Variants in TMEM132D observed in about 807,000 individuals in gnomAD.
TMEM132D encodes the protein mature OL transmembrane protein.
TMEM132D carries 21 observed loss-of-function variants against 62.3 expected under a neutral mutation model. The ratio of observed to expected loss-of-function variants is 0.34; its 90% CI spans 0.24 to 0.49. The LOEUF (loss-of-function observed/expected upper bound fraction) is 0.49. Ranked by LOEUF, TMEM132D falls within the 20% of genes least tolerant of loss-of-function variation. The pLI, the probability that TMEM132D is intolerant of heterozygous loss-of-function variation, is 0.99. For missense variants in TMEM132D, 1,346 were observed against 1,402.8 expected (o/e 0.96, Z 0.65); for synonymous variants, 621 against 575.6 (o/e 1.08, Z -1.13).
intron 1 of TMEM132D, among the ~76,000 whole-genome samples, chr12:129,738,974 A>C (rs1869513472): frequency 6.6e-6 from 1 of 152,186 alleles, no homozygotes; most frequent in Non-Finnish European, 1.5e-5. Flanking sequence ...ATTTACTTGG[A>C]ACAGAAACTC....
At chr12:129,420,154 G>T (rs1243943872) in intron 3 of TMEM132D, among the ~76,000 whole-genome samples, 4 of 152,092 alleles carry the variant, frequency 2.6e-5, no homozygotes, top group Non-Finnish European at 5.9e-5. Context: ...GGCAGTTGCT[G>T]GTGTCTGCGA....
intron 1 of TMEM132D, among the ~76,000 whole-genome samples, chr12:129,805,535 C>T (rs1243452299): frequency 6.6e-6 from 1 of 152,020 alleles, no homozygotes; most frequent in Non-Finnish European, 1.5e-5. Flanking sequence ...TTATACAAAA[C>T]TCAATTCAAG....
intron 5 of TMEM132D, among the ~76,000 whole-genome samples, chr12:129,106,684 G>GGCTCT: frequency 6.6e-6 from 1 of 152,272 alleles, no homozygotes; most frequent in South Asian, 2.1e-4. Context: ...GAGGAGGGCA[G>GGCTCT]GCTCTGCCTC....
chr12:129,888,687 G>C (rs1289727897), intron 1 of TMEM132D, among the ~76,000 whole-genome samples: 1 of 152,202 alleles, frequency 6.6e-6, no homozygotes, highest in East Asian at 1.9e-4. Flanking sequence ...TTGGAGAGCA[G>C]AGCAAGACTC....
chr12:129,251,541 G>A (rs1428507794), intron 4 of TMEM132D, among the ~76,000 whole-genome samples: 2 of 152,050 alleles, frequency 1.3e-5, no homozygotes, highest in Non-Finnish European at 2.9e-5. Context: ...TTTATACTAA[G>A]CCCCTAAACT....
At chr12:129,086,858 T>C (rs1208146928) in intron 5 of TMEM132D, among the ~76,000 whole-genome samples, 1 of 152,064 alleles carries the variant, frequency 6.6e-6, no homozygotes, top group Non-Finnish European at 1.5e-5. Flanking sequence ...TAATGATTTT[T>C]CTTTTCTTTG....
intron 3 of TMEM132D, among the ~76,000 whole-genome samples, chr12:129,369,361 C>T (rs954939677): frequency 3.3e-4 from 31 of 93,844 alleles, no homozygotes; most frequent in Non-Finnish European, 5.9e-4. Context: ...ATCTGTTCCT[C>T]ATGCTGCTTT....
In TMEM132D at chr12:129,813,355, G is replaced by T. The variant is rs181904047; in HGVS notation, c.79+89906C>A. Among the ~76,000 whole-genome samples, 637 of 151,792 alleles carry T rather than the reference G, an allele frequency of 4.2e-3. 12 individuals carry two copies. The highest frequency in any genetic ancestry group is 6.0e-3 in the Non-Finnish European group (408 of 67,972). On this transcript the variant is annotated intron_variant, in intron 1 of 8. Coordinates refer to ENST00000422113, the MANE Select transcript of TMEM132D (RefSeq NM_133448.3). ...ATAAATAAGACCATCCAATTTCCCT[G>T]CTTAACACCCTTCATTGGCTTCCCA...
chr12:129,785,944 T>C (rs1871238261), intron 1 of TMEM132D, among the ~76,000 whole-genome samples: 1 of 152,198 alleles, frequency 6.6e-6, no homozygotes, highest in African/African-American at 2.4e-5. Flanking sequence ...TGGCGCAGTT[T>C]TTTGTTTTCT....
chr12:129,093,656 A>C (rs1875005075), intron 5 of TMEM132D, among the ~76,000 whole-genome samples: 1 of 152,172 alleles, frequency 6.6e-6, no homozygotes, highest in African/African-American at 2.4e-5. Context: ...GCTACCAATG[A>C]CTTTCTTCGC....
At chr12:129,154,587 T>C (rs1877176090) in intron 5 of TMEM132D, among the ~76,000 whole-genome samples, 1 of 152,208 alleles carries the variant, frequency 6.6e-6, no homozygotes, top group Non-Finnish European at 1.5e-5. Flanking sequence ...ATTTTAAAAC[T>C]TAATAACGAT....
intron 3 of TMEM132D, among the ~76,000 whole-genome samples, chr12:129,430,432 T>C (rs1482021505): frequency 6.6e-6 from 1 of 152,216 alleles, no homozygotes; most frequent in Non-Finnish European, 1.5e-5. Flanking sequence ...ATGGGGTTTT[T>C]TCTTGTAAAT....
intron 4 of TMEM132D, among the ~76,000 whole-genome samples, chr12:129,260,406 G>A (rs1056950824): frequency 1.3e-5 from 2 of 152,180 alleles, no homozygotes; most frequent in African/African-American, 2.4e-5. Context: ...AGCCCAGACT[G>A]CACAGAGAAG....
chr12:129,901,872 C>T (rs998444116), intron 1 of TMEM132D, among the ~76,000 whole-genome samples: 1 of 133,762 alleles, frequency 7.5e-6, no homozygotes, highest in African/African-American at 3.1e-5. Flanking sequence ...CCCCCCCCGC[C>T]CCAAAAAAAA....
intron 3 of TMEM132D, among the ~76,000 whole-genome samples, chr12:129,492,142 GTCTTC>G (rs1318243663): frequency 1.3e-5 from 2 of 152,138 alleles, no homozygotes; most frequent in African/African-American, 4.8e-5. Flanking sequence ...TAGTTTTAGT[GTCTTC>G]TCTTTTTCTT....
chr12:129,119,298 T>C (rs868548455), intron 5 of TMEM132D, among the ~76,000 whole-genome samples: 5 of 151,948 alleles, frequency 3.3e-5, no homozygotes, highest in East Asian at 3.9e-4. Context: ...CCAAATAGAG[T>C]ACATATCAAA....
intron 1 of TMEM132D, among the ~76,000 whole-genome samples, chr12:129,723,642 T>C (rs980275265): frequency 6.6e-6 from 1 of 152,226 alleles, no homozygotes; most frequent in African/African-American, 2.4e-5. Flanking sequence ...CTCCCTGACC[T>C]TGTCCCGACC....
At chr12:129,075,109 A>T (rs920034278) in intron 8 of TMEM132D, 50 bp from the exon 9 acceptor site, 1 of 1,503,946 alleles carries the variant, frequency 6.6e-7, no homozygotes, top group Non-Finnish European at 9.0e-7. Context: ...AAGCTCATTG[A>T]GCCCCAAGTC....
chr12:129,163,049 G>T (rs1877445369), intron 5 of TMEM132D, among the ~76,000 whole-genome samples: 1 of 152,138 alleles, frequency 6.6e-6, no homozygotes, highest in East Asian at 1.9e-4. Context: ...CCACGTCCTG[G>T]GGGTGGATCC....
Sources: allele counts gnomAD v4.1 joint callset (sites outside exome capture counted in the v4.1 genomes callset), GRCh38; gene constraint gnomAD v4.1.1; transcripts MANE v1.5; gene names NCBI Gene and HGNC (gene_info 2026-07-23, HGNC 2026-07-21).